The following RHOBTB1 variants were observed in gnomAD, a reference collection of about 807,000 sequenced individuals.
RHOBTB1 encodes the protein Rho related BTB domain containing 1.
RHOBTB1 carries 40 observed loss-of-function variants against 71.6 expected under a neutral mutation model. That is an observed-to-expected ratio of 0.56 (90% CI 0.43 to 0.73). The LOEUF is 0.73. Among genes scored for constraint, RHOBTB1 ranks in the 30% least tolerant of loss-of-function variants. RHOBTB1 has a pLI of 0.00. For synonymous variants in RHOBTB1, 319 were observed against 334.9 expected (o/e 0.95, Z 0.52); for missense variants, 797 against 894.0 (o/e 0.89, Z 1.38).
chr10:60,943,212 A>G (rs2085009647), intron 1 of RHOBTB1, among the ~76,000 whole-genome samples: 1 of 152,222 alleles, frequency 6.6e-6, no homozygotes, highest in South Asian at 2.1e-4. Context: ...GGCTTGTCCA[A>G]GTCTAAATAT....
chr10:60,901,790 C>A (rs929465024), intron 4 of RHOBTB1, among the ~76,000 whole-genome samples: 1 of 152,326 alleles, frequency 6.6e-6, no homozygotes, highest in East Asian at 1.9e-4. Flanking sequence ...GTAAAAGGAA[C>A]GCAGAACATA....
chr10:60,882,467 GA>G (rs1016050674), intron 7 of RHOBTB1, among the ~76,000 whole-genome samples: 1 of 152,028 alleles, frequency 6.6e-6, no homozygotes, highest in African/African-American at 2.4e-5. Context: ...AAAGTAATGA[GA>G]AAAAATATAA....
chr10:60,949,665 T>A (rs1167545355), intron 2 of RHOBTB1, among the ~76,000 whole-genome samples: 1 of 21,926 alleles, frequency 4.6e-5, no homozygotes, highest in East Asian at 6.6e-3. Flanking sequence ...CAGGTGAAGC[T>A]TTTTTTTTTT....
chr10:60,998,302 A>C (rs2087129911), intron 1 of RHOBTB1, among the ~76,000 whole-genome samples: 1 of 152,224 alleles, frequency 6.6e-6, no homozygotes, highest in Admixed American at 6.5e-5. Flanking sequence ...TACTTATTCA[A>C]ACATACTTAC....
At chr10:60,891,947 G>A (rs1448431218) in intron 5 of RHOBTB1, among the ~76,000 whole-genome samples, 1 of 152,068 alleles carries the variant, frequency 6.6e-6, no homozygotes, top group African/African-American at 2.4e-5. Flanking sequence ...CATGAGATCT[G>A]GTGGTTTTAT....
chr10:60,955,189 C>T (rs540128990), intron 2 of RHOBTB1, among the ~76,000 whole-genome samples: 33 of 151,936 alleles, frequency 2.2e-4, no homozygotes, highest in Non-Finnish European at 4.0e-4. Flanking sequence ...GGATTACAGG[C>T]GTGCACCACC....
At chr10:60,991,056 C>T (rs1406277347) in intron 1 of RHOBTB1, among the ~76,000 whole-genome samples, 1 of 152,214 alleles carries the variant, frequency 6.6e-6, no homozygotes, top group Non-Finnish European at 1.5e-5. Flanking sequence ...CTACATATCT[C>T]TTGAATCCAT....
intron 2 of RHOBTB1, among the ~76,000 whole-genome samples, chr10:60,982,435 C>G (rs2086529307): frequency 6.6e-6 from 1 of 152,166 alleles, no homozygotes; most frequent in Non-Finnish European, 1.5e-5. Context: ...GCATTGTGCT[C>G]ATTGCATATA....
intron 1 of RHOBTB1, among the ~76,000 whole-genome samples, chr10:60,987,918 ACTTTT>A (rs1333831285): frequency 5.1e-5 from 5 of 98,404 alleles, no homozygotes; most frequent in African/African-American, 2.1e-4. Flanking sequence ...GAAATACTCA[ACTTTT>A]TTTTTTTTTT....
At chr10:60,911,625 A>G in intron 2 of RHOBTB1, 73 bp from the exon 3 acceptor site, 2 of 1,308,418 alleles carry the variant, frequency 1.5e-6, no homozygotes, top group East Asian at 2.3e-5. Flanking sequence ...TAAGAGGTTC[A>G]GGGAGTTTTG....
chr10:60,926,038 C>T lies in RHOBTB1; in HGVS notation c.-10-14486G>A, dbSNP rs540324437. Among the ~76,000 whole-genome samples, 19 of 152,126 alleles carry T rather than the reference C, an allele frequency of 1.2e-4. No individual in the cohort carries two copies. In the East Asian group the frequency reaches 1.9e-3, roughly 15 times the overall value. ...TTGAGGTCAGGAGCTCAAGACCAGC[C>T]GGACCAACATGGTGCACCCCGTCCC... On this transcript the variant is annotated intron_variant, in intron 2 of 10. Coordinates refer to ENST00000337910, the MANE Select transcript of RHOBTB1 (RefSeq NM_014836.5).
intron 2 of RHOBTB1, among the ~76,000 whole-genome samples, chr10:60,971,575 CT>C (rs1267168353): frequency 6.6e-6 from 1 of 152,098 alleles, no homozygotes; most frequent in Admixed American, 6.6e-5. Context: ...AACATAAGAC[CT>C]AAAACCATAC....
intron 2 of RHOBTB1, among the ~76,000 whole-genome samples, chr10:60,979,120 C>T (rs2086410126): frequency 6.6e-6 from 1 of 152,094 alleles, no homozygotes; most frequent in African/African-American, 2.4e-5. Flanking sequence ...ATGCTAGGAA[C>T]ATGTATGCTA....
In RHOBTB1 at chr10:60,875,038, C is replaced by T; in HGVS notation, c.1731G>A (p.Gln577=). The T allele has an allele frequency of 1.2e-6, 2 of 1,613,682 alleles. No homozygotes were observed. The highest frequency in any genetic ancestry group is 1.7e-6 in the Non-Finnish European group (2 of 1,179,624). ...CLPHLVALAE[Q]HAVQELTKAA... ...CTTTGGTCAACTCCTGAACGGCATG[C>T]TGTTCTGGGGAAGAGAGAGGGGGCA... is the stretch of plus-strand genomic sequence containing the variant. The change falls in exon 9 of 11, where the codon CAG becomes CAA. Residue 577 remains glutamine, a synonymous_variant. Transcript: ENST00000337910.
At chr10:60,978,665 G>T (rs2086393548) in intron 2 of RHOBTB1, among the ~76,000 whole-genome samples, 1 of 152,164 alleles carries the variant, frequency 6.6e-6, no homozygotes, top group African/African-American at 2.4e-5. Context: ...TTGTTTCTCA[G>T]CTCGCATCCA....
Position 60,903,016 on chromosome 10 carries a change from G to A in RHOBTB1, c.296+7871C>T, listed in dbSNP as rs756241558. ...AGAAAATTAAGGAGCCAATTTTCCC[G>A]CAATACAGTTATTGCTACGATAGGG... is the stretch of plus-strand genomic sequence containing the variant. On this transcript the variant is annotated intron_variant, in intron 4 of 10. Coordinates refer to ENST00000337910, the MANE Select transcript of RHOBTB1 (RefSeq NM_014836.5). 1.2e-4 allele frequency among the ~76,000 whole-genome samples: 18 copies of A among 152,246 alleles called. 1 individual carries two copies. The highest frequency in any genetic ancestry group is 8.3e-4 in the South Asian group (4 of 4,814).
chr10:60,969,871 G>A (rs986952806), intron 2 of RHOBTB1, among the ~76,000 whole-genome samples: 5 of 152,070 alleles, frequency 3.3e-5, no homozygotes, highest in Admixed American at 6.6e-5. Context: ...GATGATAATG[G>A]AATATAAGGC....
At chr10:60,908,250 A>G (rs1372039610) in intron 4 of RHOBTB1, among the ~76,000 whole-genome samples, 2 of 152,246 alleles carry the variant, frequency 1.3e-5, no homozygotes, top group East Asian at 1.9e-4. Flanking sequence ...ACCTTTTGCT[A>G]TGAAGCAGAG....
At chr10:60,902,879 A>T (rs2082476940) in intron 4 of RHOBTB1, among the ~76,000 whole-genome samples, 1 of 152,228 alleles carries the variant, frequency 6.6e-6, no homozygotes, top group South Asian at 2.1e-4. Context: ...AACTCGTTCA[A>T]CTAACATCGA....
Sources: gnomAD v4.1 joint callset for allele counts (sites outside exome capture counted in the v4.1 genomes callset) on GRCh38, gnomAD v4.1.1 for gene constraint, MANE v1.5 for transcripts, NCBI Gene and HGNC (gene_info 2026-07-23, HGNC 2026-07-21) for gene names.